Variants in HIPK2 observed in about 807,000 individuals in gnomAD.
HIPK2 encodes the protein homeodomain interacting protein kinase 2, also known as homeodomain-interacting protein kinase 2.
In HIPK2, 27 loss-of-function variants were observed where a neutral mutation model predicts 113.7. The ratio of observed to expected loss-of-function variants is 0.24; its 90% CI spans 0.17 to 0.33. HIPK2 has a LOEUF of 0.33. Among genes scored for constraint, HIPK2 ranks in the 10% least tolerant of loss-of-function variants. The pLI is 1.00. For missense variants in HIPK2, 1,257 were observed against 1,588.0 expected (o/e 0.79, Z 3.54); for synonymous variants, 631 against 642.2 (o/e 0.98, Z 0.26).
chr7:139,772,338 T>C (rs769874361), intron 1 of HIPK2, among the ~76,000 whole-genome samples: 36 of 152,346 alleles, frequency 2.4e-4, no homozygotes, highest in Middle Eastern at 3.4e-3. Context: ...CAACAAAGCC[T>C]ACGACACACC....
At chr7:139,619,945 A>T (rs1167803726) in intron 7 of HIPK2, among the ~76,000 whole-genome samples, 9 of 152,038 alleles carry the variant, frequency 5.9e-5, no homozygotes, top group Admixed American at 5.9e-4. Context: ...TATTTTCTGT[A>T]GAGATGGCGT....
At position 139,631,416 on chromosome 7, in the gene HIPK2, A is replaced by AAAAAGAAAAAGGG; in HGVS notation, c.1228-145_1228-133dup. On this transcript the variant is annotated intron_variant, in intron 3 of 14. Transcript: ENST00000406875. The surrounding 1 kb of genome is among the most constrained non-coding windows in gnomAD (Gnocchi z 4.9). ...GGGAAAGAAGTTAACAAAAAAGAGA[A>AAAAAGAAAAAGGG]AAAAGAAAAAGGGAAAAGAGAAAGG... is the stretch of plus-strand genomic sequence containing the variant. 6.9e-7 allele frequency: 1 copy of AAAAAGAAAAAGGG among 1,438,888 alleles called. No individual in the cohort carries two copies. Among genetic ancestry groups the AAAAAGAAAAAGGG allele is most frequent in the Non-Finnish European group, 9.2e-7 (1 of 1,085,558 alleles). The allele number at this position is 1,438,888 out of a possible 1,614,324, so 89.1% of individuals were successfully genotyped here. A position where few individuals can be genotyped will look rare whatever the true frequency, so the allele number is the denominator to read the frequency against.
At chr7:139,767,376 C>T (rs956022234) in intron 1 of HIPK2, among the ~76,000 whole-genome samples, 2 of 152,180 alleles carry the variant, frequency 1.3e-5, no homozygotes, top group African/African-American at 2.4e-5. Context: ...ACCTTCACAC[C>T]TACAAGTAAA....
intron 10 of HIPK2, among the ~76,000 whole-genome samples, chr7:139,601,551 T>G (rs1366898080): frequency 6.6e-6 from 1 of 152,214 alleles, no homozygotes; most frequent in African/African-American, 2.4e-5. Context: ...AATGAATAAT[T>G]AGATTAACTG....
At chr7:139,704,903 A>C (rs1345759546) in intron 2 of HIPK2, among the ~76,000 whole-genome samples, 2 of 152,140 alleles carry the variant, frequency 1.3e-5, no homozygotes, top group African/African-American at 4.8e-5. Context: ...CAAGTCAGGA[A>C]GTATACCCCC....
intron 1 of HIPK2, among the ~76,000 whole-genome samples, chr7:139,772,477 T>C (rs1341946389): frequency 6.6e-6 from 1 of 152,224 alleles, no homozygotes; most frequent in Non-Finnish European, 1.5e-5. Context: ...CAGTAATATT[T>C]ATGGACATTT....
chr7:139,600,612 GACA>G lies in HIPK2; in HGVS notation c.2256-19_2256-17del. On this transcript the variant is annotated splice_polypyrimidine_tract_variant and intron_variant, in intron 10 of 14. Transcript: ENST00000406875. ...ATGCGTATTTCTGAAAGGCAACCGG[GACA>G]ACAAGGTGCCTTAGAGGTGTTCTAA... 6.2e-7 allele frequency: 1 copy of G among 1,612,842 alleles called. No individual in the cohort carries two copies. The highest frequency in any genetic ancestry group is 8.5e-7 in the Non-Finnish European group (1 of 1,179,096).
chr7:139,617,841 G>A (rs553244044), intron 7 of HIPK2, among the ~76,000 whole-genome samples: 35 of 152,322 alleles, frequency 2.3e-4, no homozygotes, highest in Middle Eastern at 3.4e-3. Context: ...TGCATATATT[G>A]TATTGCTTCT....
At chr7:139,715,663 CG>C in intron 2 of HIPK2, among the ~76,000 whole-genome samples, 1 of 152,296 alleles carries the variant, frequency 6.6e-6, no homozygotes, top group South Asian at 2.1e-4. Flanking sequence ...TCCGGGAGGA[CG>C]GAACTCTTCT....
chr7:139,626,566 G>T (rs781271208), intron 6 of HIPK2, 35 bp downstream of exon 6: 1 of 1,592,882 alleles, frequency 6.3e-7, no homozygotes, highest in Admixed American at 1.8e-5. Flanking sequence ...AAAGTTTGCC[G>T]ATCCCTGGTA....
At position 139,565,466 on chromosome 7, in the gene HIPK2, T is replaced by A. The variant is rs1001045928; in HGVS notation, c.*7461A>T. On this transcript the variant is annotated 3_prime_UTR_variant, in exon 15 of 15. Coordinates refer to ENST00000406875, the MANE Select transcript of HIPK2 (RefSeq NM_022740.5). ...TCATAATAAATGATAATAGTTATTT[T>A]AAAAAATTAAAAATCTAGTCCTAAG... 1 of 152,128 alleles carries A rather than the reference T, an allele frequency of 6.6e-6. No homozygotes were observed. Among genetic ancestry groups the A allele is most frequent in the African/African-American group, 2.4e-5 (1 of 41,438 alleles). The allele number at this position is 152,128 out of a possible 1,614,324, so 9.4% of individuals were successfully genotyped here. A position where few individuals can be genotyped will look rare whatever the true frequency, so the allele number is the denominator to read the frequency against.
chr7:139,724,343 A>ATATTT (rs1795505354), intron 1 of HIPK2, among the ~76,000 whole-genome samples: 2 of 152,190 alleles, frequency 1.3e-5, no homozygotes, highest in African/African-American at 4.8e-5. Context: ...CACAAGGAGT[A>ATATTT]CACAGATAAT....
chr7:139,774,768 T>C lies in HIPK2; in HGVS notation c.19+2837A>G, dbSNP rs949824079. ...GGTGGTTGGCCTTTGCACTAGATAT[T>C]GAAAAAGCCTCGCAAAGCAAGTTGA... On this transcript the variant is annotated intron_variant, in intron 1 of 14. Transcript: ENST00000406875. Among the ~76,000 whole-genome samples the C allele has an allele frequency of 2.0e-5, 3 of 152,166 alleles. 1 individual carries two copies. Among genetic ancestry groups the C allele is most frequent in the African/African-American group, 7.2e-5 (3 of 41,442 alleles).
rs1218672853 is a variant in HIPK2 at position 139,630,259 on chromosome 7, T to C, written c.1347+906A>G. ...GGAGTTTCAGGTTTATGGTTACTTG[T>C]GTGAACCAGACACCTCCCTGGGCCT... On this transcript the variant is annotated intron_variant, in intron 4 of 14. Coordinates refer to ENST00000406875, the MANE Select transcript of HIPK2 (RefSeq NM_022740.5). The surrounding 1 kb of genome is among the most constrained non-coding windows in gnomAD (Gnocchi z 4.0). Among the ~76,000 whole-genome samples, 2 of 152,170 alleles carry C rather than the reference T, an allele frequency of 1.3e-5. No individual in the cohort carries two copies. The highest frequency in any genetic ancestry group is 4.1e-4 in the South Asian group (2 of 4,826).
intron 2 of HIPK2, among the ~76,000 whole-genome samples, chr7:139,701,980 C>A (rs991941975): frequency 1.3e-5 from 2 of 152,096 alleles, no homozygotes. Context: ...GACTTCGAAT[C>A]CCAGAGCTTC....
chr7:139,587,488 CAAAAAAAAAAAAA>C (rs1213368741), intron 12 of HIPK2, among the ~76,000 whole-genome samples: 1 of 43,998 alleles, frequency 2.3e-5, no homozygotes, highest in Admixed American at 2.8e-4. Flanking sequence ...GACTGTGTCT[CAAAAAAAAAAAAA>C]AAAAAAAAAA....
At chr7:139,696,023 T>C (rs1208850143) in intron 2 of HIPK2, among the ~76,000 whole-genome samples, 3 of 152,218 alleles carry the variant, frequency 2.0e-5, no homozygotes, top group Non-Finnish European at 4.4e-5. Flanking sequence ...AATCAATGTT[T>C]AAGACTTCGG....
intron 2 of HIPK2, among the ~76,000 whole-genome samples, chr7:139,671,135 T>C (rs1284876275): frequency 1.3e-5 from 2 of 151,986 alleles, no homozygotes; most frequent in Non-Finnish European, 2.9e-5. Context: ...ACTTTAAAAC[T>C]CCACAACTGG....
chr7:139,669,552 C>G (rs184008491), intron 2 of HIPK2, among the ~76,000 whole-genome samples: 118 of 151,480 alleles, frequency 7.8e-4, no homozygotes, highest in African/African-American at 2.5e-3. Context: ...CGGATGGTAT[C>G]TGGCAAATAG....
Sources: gnomAD v4.1 joint callset for allele counts (sites outside exome capture counted in the v4.1 genomes callset) on GRCh38, gnomAD v4.1.1 for gene constraint, Gnocchi (gnomAD v3.1) non-coding constraint, MANE v1.5 for transcripts, NCBI Gene and HGNC (gene_info 2026-07-23, HGNC 2026-07-21) for gene names.